Variants in FAM117A observed in about 807,000 individuals in gnomAD.
The protein encoded by FAM117A is protein FAM117A.
Under a neutral mutation model 44.1 loss-of-function variants are expected in FAM117A, and 21 were observed. That is an observed-to-expected ratio of 0.48 (90% CI 0.34 to 0.69). The LOEUF is 0.69. FAM117A is among the 30% of genes least tolerant of loss of function. The probability of loss-of-function intolerance (pLI) is 0.01; values close to 1 mark genes in which losing one functional copy is unlikely to be tolerated. For missense variants in FAM117A, 498 were observed against 589.9 expected (o/e 0.84, Z 1.61); for synonymous variants, 220 against 238.3 (o/e 0.92, Z 0.71).
At chr17:49,714,949 C>A (rs538690402) in intron 7 of FAM117A, among the ~76,000 whole-genome samples, 3 of 152,130 alleles carry the variant, frequency 2.0e-5, no homozygotes, top group Non-Finnish European at 4.4e-5. Flanking sequence ...GCACCGAGCC[C>A]ACCACCTCTC....
chr17:49,763,679 G>A (rs1245737980), intron 1 of FAM117A, among the ~76,000 whole-genome samples: 2 of 150,998 alleles, frequency 1.3e-5, no homozygotes, highest in Non-Finnish European at 2.9e-5. Context: ...TCCGGGACCC[G>A]ACTCCCCGCA....
In FAM117A at chr17:49,716,164, C is replaced by T. The variant is rs1190419966; in HGVS notation, c.1061+1G>A. 5.0e-6 allele frequency: 8 copies of T among 1,584,706 alleles called. No individual in the cohort carries two copies. Among genetic ancestry groups the T allele is most frequent in the Non-Finnish European group, 6.9e-6 (8 of 1,162,776 alleles). On this transcript the variant is annotated splice_donor_variant, in intron 7 of 7. Coordinates refer to ENST00000240364, the MANE Select transcript of FAM117A (RefSeq NM_030802.4). LOFTEE classifies it high-confidence loss of function. ...ACACCCTGTCCACTTGGTGTACTCACGTGGCTTCTTCAAACACACGCACTT... is the reference window on the plus strand; with the variant it reads ...ACACCCTGTCCACTTGGTGTACTCATGTGGCTTCTTCAAACACACGCACTT...
At chr17:49,788,937 G>A (rs192039125), upstream of FAM117A, 15 of 1,272,960 alleles carry the variant, frequency 1.2e-5, no homozygotes, top group Admixed American at 2.8e-5. Context: ...ACAGTGCTTG[G>A]GTCCCAACTT....
At chr17:49,765,334 G>T (rs763209670), upstream of FAM117A, among the ~76,000 whole-genome samples, 1 of 152,084 alleles carries the variant, frequency 6.6e-6, no homozygotes, top group Non-Finnish European at 1.5e-5. Context: ...TTTTGATCTT[G>T]CTACAGATTT....
At chr17:49,739,713 G>T (rs1164553909) in intron 1 of FAM117A, among the ~76,000 whole-genome samples, 1 of 152,258 alleles carries the variant, frequency 6.6e-6, no homozygotes, top group Non-Finnish European at 1.5e-5. Flanking sequence ...GGAAATAGGG[G>T]AGGGAAATAC....
intron 2 of FAM117A, among the ~76,000 whole-genome samples, chr17:49,723,983 T>C (rs2073547480): frequency 6.6e-6 from 1 of 152,172 alleles, no homozygotes; most frequent in Admixed American, 6.5e-5. Context: ...ACAATTCCCT[T>C]CTTTAGGAAA....
chr17:49,713,905 G>A (rs1173955145), intron 7 of FAM117A, among the ~76,000 whole-genome samples: 1 of 152,174 alleles, frequency 6.6e-6, no homozygotes, highest in African/African-American at 2.4e-5. Flanking sequence ...AGGAGAGGTG[G>A]AGGGTAAAGG....
chr17:49,725,666 G>C (rs1207520494), intron 2 of FAM117A, among the ~76,000 whole-genome samples: 1 of 152,230 alleles, frequency 6.6e-6, no homozygotes, highest in Non-Finnish European at 1.5e-5. Context: ...GTTTGAGAAT[G>C]ATAAAGAGGC....
chr17:49,786,374 C>A (rs1204717489), intron 1 of FAM117A, among the ~76,000 whole-genome samples: 7 of 152,226 alleles, frequency 4.6e-5, no homozygotes, highest in Non-Finnish European at 7.3e-5. Flanking sequence ...GGGAGGATAA[C>A]TTCACCATCT....
At chr17:49,750,300 T>G (rs2073671255) in intron 1 of FAM117A, among the ~76,000 whole-genome samples, 2 of 148,818 alleles carry the variant, frequency 1.3e-5, no homozygotes, top group African/African-American at 4.9e-5. Context: ...ACACTTTCCT[T>G]CATTGAGTTT....
intron 1 of FAM117A, among the ~76,000 whole-genome samples, chr17:49,758,640 AATAAATAAAT>A (rs2073709552): frequency 6.9e-5 from 3 of 43,266 alleles, no homozygotes; most frequent in East Asian, 3.0e-4. Context: ...AAAAAAATAA[AATAAATAAAT>A]AAATAAATAA....
At chr17:49,727,979 C>T (rs1396584103) in intron 2 of FAM117A, among the ~76,000 whole-genome samples, 2 of 152,194 alleles carry the variant, frequency 1.3e-5, no homozygotes, top group East Asian at 1.9e-4. Flanking sequence ...CTTAGGTCTC[C>T]GGCCAAACAA....
intron 1 of FAM117A, among the ~76,000 whole-genome samples, chr17:49,733,766 G>A (rs1387888140): frequency 1.3e-5 from 2 of 152,266 alleles, no homozygotes; most frequent in African/African-American, 2.4e-5. Context: ...TGGATAAAAT[G>A]TAAGGGTACT....
intron 7 of FAM117A, among the ~76,000 whole-genome samples, chr17:49,715,872 G>GA (rs1024591471): frequency 5.3e-5 from 8 of 152,028 alleles, no homozygotes; most frequent in African/African-American, 7.3e-5. Flanking sequence ...CCCGGAGATG[G>GA]AAAAAAATAG....
intron 1 of FAM117A, among the ~76,000 whole-genome samples, chr17:49,736,534 T>G (rs751044696): frequency 6.6e-6 from 1 of 152,214 alleles, no homozygotes; most frequent in Non-Finnish European, 1.5e-5. Context: ...TGTGAGCCAC[T>G]GCACCCGGCC....
intron 2 of FAM117A, 154 bp downstream of exon 2, chr17:49,732,395 ACT>A (rs575207268): frequency 8.7e-6 from 6 of 692,160 alleles, no homozygotes; most frequent in African/African-American, 7.2e-5. Context: ...ACAAAAGGAA[ACT>A]CTGTCTTAAG....
In FAM117A at chr17:49,780,378, T is replaced by A. The variant is rs181380406; in HGVS notation, c.-621+8119A>T. Among the ~76,000 whole-genome samples the A allele has an allele frequency of 7.3e-4, 111 of 152,308 alleles. 1 individual carries two copies. The East Asian group carries it at 0.015, about 20-fold the overall frequency. On this transcript the variant is annotated intron_variant, in intron 1 of 7. Coordinates refer to the FAM117A transcript ENST00000513602. ...AGAATCATCTTCATGGTTCTTATAG[T>A]GGGCAAGACTGACTAGGGCTTTTAT...
At chr17:49,715,010 T>C (rs1320292213) in intron 7 of FAM117A, among the ~76,000 whole-genome samples, 1 of 152,142 alleles carries the variant, frequency 6.6e-6, no homozygotes, top group African/African-American at 2.4e-5. Flanking sequence ...CTTTAAGGCC[T>C]CTTCTGGCAC....
chr17:49,751,762 G>A (rs771196338), intron 1 of FAM117A, among the ~76,000 whole-genome samples: 2 of 148,970 alleles, frequency 1.3e-5, no homozygotes, highest in Non-Finnish European at 3.0e-5. Context: ...GCCAATAATG[G>A]TGAAACCCTG....
Sources: allele counts gnomAD v4.1 joint callset (sites outside exome capture counted in the v4.1 genomes callset), GRCh38; gene constraint gnomAD v4.1.1; transcripts MANE v1.5; gene names NCBI Gene and HGNC (gene_info 2026-07-23, HGNC 2026-07-21).